PODN: variants seen among roughly 807,000 people sequenced by gnomAD.
PODN encodes the protein podocan.
A neutral mutation model predicts 52.7 loss-of-function variants in PODN; 40 were observed. The observed-to-expected ratio is 0.76, with a 90% CI of 0.59 to 0.99. The LOEUF (loss-of-function observed/expected upper bound fraction) is 0.99. Ranked by LOEUF, PODN falls within the 50% of genes least tolerant of loss-of-function variation. The probability of loss-of-function intolerance (pLI) is 0.00; values close to 1 mark genes in which losing one functional copy is unlikely to be tolerated. For missense variants in PODN, 720 were observed against 815.1 expected (o/e 0.88, Z 1.42); for synonymous variants, 396 against 377.9 (o/e 1.05, Z -0.56).
At chr1:53,083,646 C>T (rs1374516609) in intron 10 of PODN, among the ~76,000 whole-genome samples, 4 of 152,196 alleles carry the variant, frequency 2.6e-5, no homozygotes, top group African/African-American at 7.2e-5. Context: ...TGGATCCACC[C>T]ACAGCTGAGT....
chr1:53,080,702 C>T (rs376602297), intron 8 of PODN, 26 bp from the exon 9 acceptor site: 691 of 1,609,102 alleles, frequency 4.3e-4, no homozygotes, highest in Non-Finnish European at 5.7e-4. Context: ...GGTGGGAGTC[C>T]CTGACTCCCT....
intron 10 of PODN, among the ~76,000 whole-genome samples, chr1:53,083,828 G>T (rs1208713152): frequency 6.6e-6 from 1 of 152,152 alleles, no homozygotes; most frequent in Non-Finnish European, 1.5e-5. Context: ...AGGAGCGGCT[G>T]TGTGGTCGGA....
chr1:53,073,639 C>T (rs1237248661), intron 3 of PODN: 1 of 152,156 alleles, frequency 6.6e-6, no homozygotes, highest in Non-Finnish European at 1.5e-5. Flanking sequence ...AAAATAACAT[C>T]TGACTGGGAT....
At chr1:53,065,879 G>C (rs1644024891) in intron 1 of PODN, among the ~76,000 whole-genome samples, 1 of 151,910 alleles carries the variant, frequency 6.6e-6, no homozygotes. Flanking sequence ...TCATCCCTTA[G>C]AATGGGATTA....
chr1:53,082,744 C>T (rs1366748790), intron 10 of PODN, among the ~76,000 whole-genome samples: 2 of 152,194 alleles, frequency 1.3e-5, no homozygotes, highest in Non-Finnish European at 2.9e-5. Flanking sequence ...TCAACATGTA[C>T]ACACATCCAC....
chr1:53,077,340 C>A lies in PODN; in HGVS notation c.732C>A (p.His244Gln). 1 of 1,613,032 alleles carries A rather than the reference C, an allele frequency of 6.2e-7. No homozygotes were observed. The highest frequency in any genetic ancestry group is 1.1e-5 in the South Asian group (1 of 91,070). The change falls in exon 6 of 11, where the codon CAC becomes CAA. Residue 244 changes from histidine to glutamine, a missense_variant. His to Gln is a conservative substitution (Grantham distance 24). Transcript: ENST00000312553. Reference sequence around the variant, plus strand: ...TGCCGCCTGCCCTGTACAAGCTGCACCTCAAGGTGGGCAGGGGAGGGGTAA... The same window carrying A: ...TGCCGCCTGCCCTGTACAAGCTGCAACTCAAGGTGGGCAGGGGAGGGGTAA... ...KHLPPALYKLHLKNNKLEKIP... is the reference protein window; with the variant it reads ...KHLPPALYKLQLKNNKLEKIP...
intron 9 of PODN, among the ~76,000 whole-genome samples, chr1:53,081,253 C>T (rs1644291167): frequency 6.6e-6 from 1 of 152,218 alleles, no homozygotes; most frequent in Non-Finnish European, 1.5e-5. Context: ...TCCCTGGCTT[C>T]TGGGGCTAAG....
At chr1:53,074,505 C>T in intron 3 of PODN, 101 bp from the exon 4 acceptor site, 1 of 1,350,042 alleles carries the variant, frequency 7.4e-7, no homozygotes, top group Non-Finnish European at 1.0e-6. Flanking sequence ...CTCTGCCTCC[C>T]TAGTCCTGGC....
At chr1:53,073,116 C>T in intron 3 of PODN, 1 of 224,588 alleles carries the variant, frequency 4.5e-6, no homozygotes, top group Non-Finnish European at 9.5e-6. Flanking sequence ...CCTTCTAAGG[C>T]TTAGGATTTG....
intron 2 of PODN, chr1:53,071,235 G>A (rs897565327): frequency 2.4e-5 from 6 of 245,064 alleles, no homozygotes; most frequent in Admixed American, 2.1e-4. Context: ...AGGTGGGAAC[G>A]CTCCAGGAGC....
chr1:53,083,070 C>T (rs1470250998), intron 10 of PODN, among the ~76,000 whole-genome samples: 1 of 152,186 alleles, frequency 6.6e-6, no homozygotes, highest in African/African-American at 2.4e-5. Flanking sequence ...TGCGGAGCGC[C>T]CACTGGATTT....
At chr1:53,067,520 T>C (rs1204924752) in intron 1 of PODN, among the ~76,000 whole-genome samples, 1 of 152,040 alleles carries the variant, frequency 6.6e-6, no homozygotes, top group Non-Finnish European at 1.5e-5. Flanking sequence ...GACAAAGTGG[T>C]ATCTGAACTC....
intron 1 of PODN, chr1:53,066,901 T>G (rs143608808): frequency 9.1e-6 from 14 of 1,531,718 alleles, no homozygotes; most frequent in East Asian, 2.5e-5. Flanking sequence ...CCAGAGCTCC[T>G]TCCCCTGGAT....
intron 1 of PODN, among the ~76,000 whole-genome samples, chr1:53,067,196 G>C (rs866351791): frequency 3.3e-5 from 5 of 152,140 alleles, no homozygotes; most frequent in African/African-American, 1.2e-4. Context: ...CTGCAGGTGT[G>C]CCGGGCTCCC....
chr1:53,082,254 A>G (rs1644307339), intron 10 of PODN, 66 bp downstream of exon 10: 4 of 1,414,340 alleles, frequency 2.8e-6, no homozygotes, highest in Non-Finnish European at 3.7e-6. Flanking sequence ...TGACCCTGGT[A>G]GAGGGTCTTT....
chr1:53,077,771 T>A lies in PODN; in HGVS notation c.825T>A (p.Thr275=). ...TATACCTGCAGAACAACTACCTGACTGACGAGGGCCTGGACAACGAGACCT... is the reference window on the plus strand; with the variant it reads ...TATACCTGCAGAACAACTACCTGACAGACGAGGGCCTGGACAACGAGACCT... ...RELYLQNNYL[T]DEGLDNETFW... is the part of the protein sequence containing the mutation. The change falls in exon 7 of 11, where the codon ACT becomes ACA. Residue 275 remains threonine, a synonymous_variant. Transcript: ENST00000312553. 6.2e-7 allele frequency: 1 copy of A among 1,613,578 alleles called. No individual in the cohort carries two copies. Among genetic ancestry groups the A allele is most frequent in the African/African-American group, 1.3e-5 (1 of 75,028 alleles).
Position 53,077,741 on chromosome 1 carries a change from C to G in PODN, c.795C>G (p.Arg265=). ...CCTTCAGCGAGCTGAGCAGCCTGCG[C>G]GAGCTATACCTGCAGAACAACTACC... The part of the protein sequence containing the change: ...PGAFSELSSL[R]ELYLQNNYLT... The change falls in exon 7 of 11, where the codon CGC becomes CGG. Residue 265 remains arginine, a synonymous_variant. Coordinates refer to ENST00000312553, the MANE Select transcript of PODN (RefSeq NM_153703.5). The G allele has an allele frequency of 6.2e-7, 1 of 1,613,740 alleles. No homozygotes were observed. Among genetic ancestry groups the G allele is most frequent in the South Asian group, 1.1e-5 (1 of 91,062 alleles).
chr1:53,069,962 A>T lies in PODN; in HGVS notation c.107A>T (p.His36Leu), dbSNP rs1212784833. 4.4e-6 allele frequency: 7 copies of T among 1,602,470 alleles called. No individual in the cohort carries two copies. Among genetic ancestry groups the T allele is most frequent in the Non-Finnish European group, 6.0e-6 (7 of 1,175,296 alleles). Residue 36 changes from histidine (H) to leucine (L), a missense_variant, in exon 2 of 11, where the codon CAC becomes CTC. Transcript: ENST00000312553. ...RAPGFGRSGG[H>L]SLSPEENEFA... ...CCAGGATTTGGCCGAAGTGGCGGCC[A>T]CAGCCTGAGCCCCGAAGAGAACGAA...
At chr1:53,066,649 G>A (rs1043780397) in intron 1 of PODN, among the ~76,000 whole-genome samples, 12 of 152,186 alleles carry the variant, frequency 7.9e-5, no homozygotes, top group Non-Finnish European at 1.2e-4. Flanking sequence ...GAGCAGCGTA[G>A]CATTGTTGAT....
Sources: gnomAD v4.1 joint callset for allele counts (sites outside exome capture counted in the v4.1 genomes callset) on GRCh38, gnomAD v4.1.1 for gene constraint, MANE v1.5 for transcripts, NCBI Gene and HGNC (gene_info 2026-07-23, HGNC 2026-07-21) for gene names.